SNTB1: variants seen among roughly 807,000 people sequenced by gnomAD.
SNTB1 encodes the protein beta-1-syntrophin.
A neutral mutation model predicts 48.9 loss-of-function variants in SNTB1; 36 were observed. That is an observed-to-expected ratio of 0.74 (90% CI 0.56 to 0.97). SNTB1 has a LOEUF of 0.97. SNTB1 is among the 50% of genes least tolerant of loss of function. The pLI is 0.00. For missense variants in SNTB1, 786 were observed against 703.4 expected (o/e 1.12, Z -1.33); for synonymous variants, 299 against 294.6 (o/e 1.01, Z -0.15).
intron 1 of SNTB1, among the ~76,000 whole-genome samples, chr8:120,753,537 T>G (rs1425699808): frequency 6.6e-6 from 1 of 152,130 alleles, no homozygotes; most frequent in Non-Finnish European, 1.5e-5. Context: ...AATAATCCCA[T>G]GTGTATAATC....
At chr8:120,675,257 T>A (rs1424756780) in intron 2 of SNTB1, among the ~76,000 whole-genome samples, 4 of 152,082 alleles carry the variant, frequency 2.6e-5, no homozygotes, top group South Asian at 2.1e-4. Context: ...AAAGAAAAAA[T>A]TTCATTTACA....
At chr8:120,668,027 A>G (rs1168200284) in intron 2 of SNTB1, among the ~76,000 whole-genome samples, 22 of 152,024 alleles carry the variant, frequency 1.4e-4, no homozygotes, top group Non-Finnish European at 2.9e-5. Flanking sequence ...GTCTCCTCAT[A>G]CACATACACT....
intron 1 of SNTB1, among the ~76,000 whole-genome samples, chr8:120,755,568 A>G (rs545033420): frequency 1.3e-5 from 2 of 152,262 alleles, no homozygotes; most frequent in East Asian, 3.9e-4. Flanking sequence ...CAGACTGTCA[A>G]AAAAGGAAAC....
At chr8:120,783,936 T>C (rs763877502) in intron 1 of SNTB1, among the ~76,000 whole-genome samples, 1 of 152,186 alleles carries the variant, frequency 6.6e-6, no homozygotes, top group Non-Finnish European at 1.5e-5. Context: ...CTAGAAATGA[T>C]TGAAAGTATA....
At chr8:120,641,348 T>C (rs1817193347) in intron 2 of SNTB1, among the ~76,000 whole-genome samples, 2 of 152,212 alleles carry the variant, frequency 1.3e-5, no homozygotes, top group South Asian at 4.1e-4. Flanking sequence ...ATATCTATTA[T>C]TCTAGGAATT....
At chr8:120,596,459 G>T (rs1010225246) in intron 3 of SNTB1, among the ~76,000 whole-genome samples, 7 of 152,200 alleles carry the variant, frequency 4.6e-5, no homozygotes, top group Non-Finnish European at 8.8e-5. Flanking sequence ...ACCCAATGCA[G>T]ATTTATAGCT....
Position 120,574,001 on chromosome 8 carries a change from A to C in SNTB1, c.1136+1085T>G, listed in dbSNP as rs572400724. Among the ~76,000 whole-genome samples the C allele has an allele frequency of 2.0e-5, 3 of 152,354 alleles. No homozygotes were observed. The East Asian group carries it at 5.8e-4, about 29-fold the overall frequency. On this transcript the variant is annotated intron_variant, in intron 4 of 6. Coordinates refer to ENST00000517992, the MANE Select transcript of SNTB1 (RefSeq NM_021021.4). ...CGTCTATAGATGAACGGATAAAGAAAGTGTGGTATTTACATATAATTCAAT... is the reference window on the plus strand; with the variant it reads ...CGTCTATAGATGAACGGATAAAGAACGTGTGGTATTTACATATAATTCAAT...
chr8:120,785,755 A>T (rs1819914144), intron 1 of SNTB1, among the ~76,000 whole-genome samples: 1 of 152,106 alleles, frequency 6.6e-6, no homozygotes, highest in South Asian at 2.1e-4. Flanking sequence ...GGCAAACACA[A>T]ATCCCACTGT....
Position 120,811,574 on chromosome 8 carries a change from C to T in SNTB1, c.270G>A (p.Gly90=), listed in dbSNP as rs1305657562. 1.9e-6 allele frequency: 3 copies of T among 1,565,674 alleles called. No homozygotes were observed. The highest frequency in any genetic ancestry group is 2.4e-5 in the East Asian group (1 of 41,886). ...GGAQPPDSPA[G]VRTAFTDLPE... is the part of the protein sequence containing the mutation. ...GCAGGTCGGTGAAAGCGGTGCGGAC[C>T]CCGGCGGGCGAGTCCGGGGGCTGCG... is the stretch of plus-strand genomic sequence containing the variant. Residue 90 remains glycine (G), a synonymous_variant, in exon 1 of 7, where the codon GGG becomes GGA. Transcript: ENST00000517992.
chr8:120,709,934 T>C (rs2129914766), intron 1 of SNTB1, among the ~76,000 whole-genome samples: 1 of 151,948 alleles, frequency 6.6e-6, no homozygotes, highest in East Asian at 1.9e-4. Flanking sequence ...AGGTATGCCA[T>C]AAATAGTAGT....
In SNTB1 at chr8:120,797,546, C is replaced by CTTTTTTTTTTTTTTTTTTTTTTTTTTT. The variant is rs60374035; in HGVS notation, c.571+13700_571+13726dup. On this transcript the variant is annotated intron_variant, in intron 1 of 6. Coordinates refer to ENST00000517992, the MANE Select transcript of SNTB1 (RefSeq NM_021021.4). ...TCATTAACCAAAGCAACTTGTTTCT[C>CTTTTTTTTTTTTTTTTTTTTTTTTTTT]TTTTTTTTTTTTTTTTTTTTTTTTT... Among the ~76,000 whole-genome samples, 3 of 69,088 alleles carry CTTTTTTTTTTTTTTTTTTTTTTTTTTT rather than the reference C, an allele frequency of 4.3e-5. 1 individual carries two copies. Among genetic ancestry groups the CTTTTTTTTTTTTTTTTTTTTTTTTTTT allele is most frequent in the African/African-American group, 5.6e-5 (1 of 17,940 alleles). The allele number at this position is 69,088 out of a possible 152,430, so 45.3% of individuals were successfully genotyped here.
intron 3 of SNTB1, among the ~76,000 whole-genome samples, chr8:120,575,597 T>G (rs554840612): frequency 2.6e-5 from 4 of 152,186 alleles, no homozygotes; most frequent in Non-Finnish European, 4.4e-5. Context: ...TATGAAATGG[T>G]AAGGTCTAAA....
chr8:120,694,870 A>C (rs1320317724), intron 1 of SNTB1, among the ~76,000 whole-genome samples: 1 of 152,130 alleles, frequency 6.6e-6, no homozygotes. Context: ...TTCATGTTTA[A>C]CCATATGTGT....
intron 1 of SNTB1, among the ~76,000 whole-genome samples, chr8:120,771,742 T>A (rs1049876629): frequency 6.6e-6 from 1 of 152,106 alleles, no homozygotes; most frequent in African/African-American, 2.4e-5. Context: ...TCAAGCTCTC[T>A]GAGCCTCTTT....
intron 3 of SNTB1, among the ~76,000 whole-genome samples, chr8:120,586,517 C>T (rs150073807): frequency 7.2e-5 from 11 of 152,296 alleles, no homozygotes; most frequent in East Asian, 1.9e-4. Flanking sequence ...TCTGTCACCA[C>T]GTCACCTTCC....
intron 2 of SNTB1, among the ~76,000 whole-genome samples, chr8:120,654,536 A>T (rs1817467801): frequency 6.6e-6 from 1 of 152,146 alleles, no homozygotes; most frequent in Non-Finnish European, 1.5e-5. Flanking sequence ...TTATGTAAAT[A>T]CTGCCTATGG....
chr8:120,725,485 G>A (rs917697026), intron 1 of SNTB1, among the ~76,000 whole-genome samples: 2 of 152,284 alleles, frequency 1.3e-5, no homozygotes, highest in East Asian at 1.9e-4. Flanking sequence ...AAGGAAGCAC[G>A]AGGTTTTAAA....
At chr8:120,736,921 C>G (rs960023876) in intron 1 of SNTB1, among the ~76,000 whole-genome samples, 3 of 152,212 alleles carry the variant, frequency 2.0e-5, no homozygotes, top group Admixed American at 6.5e-5. Context: ...ACTCCTCTCT[C>G]TCCATCTCTC....
chr8:120,614,976 TAA>T (rs61318757), intron 3 of SNTB1, among the ~76,000 whole-genome samples: 129 of 73,242 alleles, frequency 1.8e-3, no homozygotes, highest in Middle Eastern at 0.013. Context: ...TCACCTCTAC[TAA>T]AAAAAAAAAA....
Sources: gnomAD v4.1 joint callset for allele counts (sites outside exome capture counted in the v4.1 genomes callset) on GRCh38, gnomAD v4.1.1 for gene constraint, MANE v1.5 for transcripts, NCBI Gene and HGNC (gene_info 2026-07-23, HGNC 2026-07-21) for gene names.